RIMBP2: variants seen among roughly 807,000 people sequenced by gnomAD.
The protein encoded by RIMBP2 is RIMS-binding protein 2.
RIMBP2 carries 48 observed loss-of-function variants against 118.6 expected under a neutral mutation model. The observed-to-expected ratio is 0.40, with a 90% CI of 0.32 to 0.51. The LOEUF is 0.51. Among genes scored for constraint, RIMBP2 ranks in the 20% least tolerant of loss-of-function variants. RIMBP2 has a pLI of 0.41. For missense variants in RIMBP2, 1,551 were observed against 1,768.3 expected, an observed-to-expected ratio of 0.88 and a Z score of 2.20; for synonymous variants, 762 against 742.9, an observed-to-expected ratio of 1.03 and a Z score of -0.42.
chr12:130,634,839 T>A (rs376006177), intron 1 of RIMBP2, among the ~76,000 whole-genome samples: 1 of 152,084 alleles, frequency 6.6e-6, no homozygotes, highest in East Asian at 1.9e-4. Context: ...GCTCAAGTAA[T>A]CCACCTGCTG....
rs12814062 is a variant in RIMBP2 at position 130,683,291 on chromosome 12, C to T, written c.-352+32931G>A. Among the ~76,000 whole-genome samples, 40,099 of 152,072 alleles carry T rather than the reference C, an allele frequency of 0.26. 5,922 individuals carry two copies. Among genetic ancestry groups the T allele is most frequent in the African/African-American group, 0.39 (16,170 of 41,456 alleles). ...CAAGCCCAAGGATGCCAAGGACAGCCGGGGAACGCAGGGAGCCAGGCTCCC... is the reference window on the plus strand; with the variant it reads ...CAAGCCCAAGGATGCCAAGGACAGCTGGGGAACGCAGGGAGCCAGGCTCCC... On this transcript the variant is annotated intron_variant, in intron 1 of 22. Coordinates refer to ENST00000690449, the MANE Select transcript of RIMBP2 (RefSeq NM_001393629.1). The surrounding 1 kb of genome is among the most constrained non-coding windows in gnomAD (Gnocchi z 4.4).
chr12:130,609,247 C>G (rs73156974), intron 2 of RIMBP2, among the ~76,000 whole-genome samples: 18,942 of 152,154 alleles, frequency 0.12, 1,530 homozygotes, highest in Non-Finnish European at 0.19. Flanking sequence ...TCTGCCCCCC[C>G]ACGTTTATAC....
At chr12:130,414,341 G>A in intron 17 of RIMBP2, 35 bp from the exon 18 acceptor site, 2 of 1,544,188 alleles carry the variant, frequency 1.3e-6, no homozygotes, top group Non-Finnish European at 1.7e-6. Flanking sequence ...CAGAGCGGCA[G>A]TGAGCCTAAC....
intron 2 of RIMBP2, among the ~76,000 whole-genome samples, chr12:130,568,541 T>TC (rs2057396939): frequency 6.6e-6 from 1 of 152,108 alleles, no homozygotes; most frequent in South Asian, 2.1e-4. Flanking sequence ...AATGACGTGC[T>TC]CCCCTCTGGG....
intron 12 of RIMBP2, 27 bp downstream of exon 12, chr12:130,438,338 C>CCA (rs1491169519): frequency 2.2e-5 from 28 of 1,266,686 alleles, no homozygotes; most frequent in Non-Finnish European, 2.6e-5. Context: ...CTAACAAACC[C>CCA]TCCCCACCCA....
In RIMBP2 at chr12:130,451,219, G is replaced by A. The variant is rs765478893; in HGVS notation, c.480C>T (p.Ser160=). The A allele has an allele frequency of 1.2e-5, 20 of 1,613,912 alleles. No homozygotes were observed. Among genetic ancestry groups the A allele is most frequent in the Middle Eastern group, 1.6e-4 (1 of 6,084 alleles). The change falls in exon 8 of 23, where the codon AGC becomes AGT. Residue 160 remains serine, a synonymous_variant. Coordinates refer to ENST00000690449, the MANE Select transcript of RIMBP2 (RefSeq NM_001393629.1). ...CGTCTGACTCAGATCTGCATCTTGC[G>A]CTACCGGATCTCGACAGGAAGGTGG... is the stretch of plus-strand genomic sequence containing the variant. ...AKPTFLSRSG[S]ARCRSESDME...
intron 2 of RIMBP2, among the ~76,000 whole-genome samples, chr12:130,558,160 T>A (rs1313495372): frequency 6.6e-6 from 1 of 152,172 alleles, no homozygotes; most frequent in Non-Finnish European, 1.5e-5. Context: ...AACAACAAAA[T>A]GCAATGGCAG....
chr12:130,569,106 A>G (rs990828258), intron 2 of RIMBP2, among the ~76,000 whole-genome samples: 1 of 151,974 alleles, frequency 6.6e-6, no homozygotes, highest in African/African-American at 2.4e-5. Flanking sequence ...ATAGGATCAC[A>G]TGAAGCAGAC....
intron 6 of RIMBP2, among the ~76,000 whole-genome samples, chr12:130,464,302 G>C (rs4522206): frequency 0.26 from 40,137 of 152,168 alleles, 6,491 homozygotes; most frequent in South Asian, 0.39. Context: ...GCTGCTTTCC[G>C]GTAACATTAG....
At chr12:130,659,144 C>A (rs2063548234) in intron 1 of RIMBP2, among the ~76,000 whole-genome samples, 1 of 152,198 alleles carries the variant, frequency 6.6e-6, no homozygotes, top group Non-Finnish European at 1.5e-5. Context: ...CCGTGTCAGC[C>A]ACCTGCATAA....
chr12:130,647,768 A>G lies in RIMBP2; in HGVS notation c.-351-19312T>C, dbSNP rs192927829. Among the ~76,000 whole-genome samples, 23 of 145,896 alleles carry G rather than the reference A, an allele frequency of 1.6e-4. 2 individuals carry two copies. The highest frequency in any genetic ancestry group is 1.6e-3 in the East Asian group (8 of 5,118). On this transcript the variant is annotated intron_variant, in intron 1 of 22. Coordinates refer to ENST00000690449, the MANE Select transcript of RIMBP2 (RefSeq NM_001393629.1). Reference sequence around the variant, plus strand: ...AGATCCCACCCTTTAAATCAAACCAATGCATAACCTCCATGTATTGGTGTG... The same window carrying G: ...AGATCCCACCCTTTAAATCAAACCAGTGCATAACCTCCATGTATTGGTGTG...
At chr12:130,607,797 C>T (rs1018512784) in intron 2 of RIMBP2, among the ~76,000 whole-genome samples, 4 of 151,904 alleles carry the variant, frequency 2.6e-5, no homozygotes, top group South Asian at 2.1e-4. Flanking sequence ...TTTCTCTCCA[C>T]GCTGACCAAG....
intron 17 of RIMBP2, among the ~76,000 whole-genome samples, chr12:130,418,672 G>A (rs2136616435): frequency 6.6e-6 from 1 of 152,334 alleles, no homozygotes; most frequent in South Asian, 2.1e-4. Context: ...AGAGGGGTCA[G>A]GGGCTAAGGT....
chr12:130,606,679 C>T (rs893314815), intron 2 of RIMBP2, among the ~76,000 whole-genome samples: 1 of 152,176 alleles, frequency 6.6e-6, no homozygotes, highest in African/African-American at 2.4e-5. Flanking sequence ...CGGTAGAGAT[C>T]ATGAACTGGA....
intron 2 of RIMBP2, among the ~76,000 whole-genome samples, chr12:130,536,689 T>C (rs1468405202): frequency 1.3e-5 from 2 of 152,190 alleles, no homozygotes; most frequent in African/African-American, 4.8e-5. Flanking sequence ...TAATTTTAAG[T>C]TTAATTTAAG....
At chr12:130,619,713 G>A (rs2061180767) in intron 2 of RIMBP2, among the ~76,000 whole-genome samples, 1 of 152,296 alleles carries the variant, frequency 6.6e-6, no homozygotes, top group Admixed American at 6.5e-5. Flanking sequence ...GTAAGCTCTA[G>A]CTGTGCTCAC....
rs573604446 is a variant in RIMBP2, at chr12:130,401,898, C to T, written c.3766-2085G>A. 2.6e-5 allele frequency among the ~76,000 whole-genome samples: 4 copies of T among 152,182 alleles called. No individual in the cohort carries two copies. The East Asian group carries it at 7.8e-4, about 30-fold the overall frequency. ...TTCTGTGAACACACACAATGTTATGCACACATCTCCGCTGGTGTCATGCTC... is the reference window on the plus strand; with the variant it reads ...TTCTGTGAACACACACAATGTTATGTACACATCTCCGCTGGTGTCATGCTC... On this transcript the variant is annotated intron_variant, in intron 21 of 22. Coordinates refer to ENST00000690449, the MANE Select transcript of RIMBP2 (RefSeq NM_001393629.1).
intron 3 of RIMBP2, among the ~76,000 whole-genome samples, chr12:130,508,701 C>T (rs1356054436): frequency 1.3e-5 from 2 of 152,184 alleles, no homozygotes; most frequent in Non-Finnish European, 2.9e-5. Flanking sequence ...CCTGTGGCTG[C>T]TCCTCATTGG....
chr12:130,401,608 C>T (rs368885047), intron 21 of RIMBP2, among the ~76,000 whole-genome samples: 3 of 151,838 alleles, frequency 2.0e-5, no homozygotes, highest in Admixed American at 6.6e-5. Context: ...CTTCTCTCAC[C>T]GGCTCCATTA....
Sources: gnomAD v4.1 joint callset for allele counts (sites outside exome capture counted in the v4.1 genomes callset) on GRCh38, gnomAD v4.1.1 for gene constraint, Gnocchi (gnomAD v3.1) non-coding constraint, MANE v1.5 for transcripts, NCBI Gene and HGNC (gene_info 2026-07-23, HGNC 2026-07-21) for gene names.